The following KLHL28 variants were observed in gnomAD, a reference collection of about 807,000 sequenced individuals.
The protein encoded by KLHL28 is kelch like family member 28.
A neutral mutation model predicts 48.3 loss-of-function variants in KLHL28; 22 were observed. The observed-to-expected ratio is 0.46, with a 90% CI of 0.33 to 0.65. The LOEUF (loss-of-function observed/expected upper bound fraction) is 0.65. Ranked by LOEUF, KLHL28 falls within the 30% of genes least tolerant of loss-of-function variation. The probability of loss-of-function intolerance (pLI) is 0.03; values close to 1 mark genes in which losing one functional copy is unlikely to be tolerated. For synonymous variants in KLHL28, 243 were observed against 242.4 expected (o/e 1.00, Z -0.02); for missense variants, 527 against 704.3 (o/e 0.75, Z 2.85).
intron 1 of KLHL28, among the ~76,000 whole-genome samples, chr14:44,947,529 C>T (rs528439584): frequency 6.6e-5 from 10 of 152,240 alleles, no homozygotes; most frequent in Admixed American, 1.3e-4. Context: ...GTCATGTATA[C>T]AATATAAGCT....
At chr14:44,958,954 T>C in intron 1 of KLHL28, among the ~76,000 whole-genome samples, 1 of 151,912 alleles carries the variant, frequency 6.6e-6, no homozygotes, top group Non-Finnish European at 1.5e-5. Context: ...CTGTATAAAA[T>C]AAGCTCATAA....
Position 44,934,256 on chromosome 14 carries a change from T to G in KLHL28, c.1202A>C (p.Gln401Pro), listed in dbSNP as rs35352691. Residue 401 changes from glutamine to proline, a missense_variant, in exon 3 of 5, where the codon CAA (glutamine) becomes CCA (proline). Physicochemically the swap from Gln to Pro is moderately conservative, Grantham distance 76 (BLOSUM62 -1). Coordinates refer to ENST00000396128, the MANE Select transcript of KLHL28 (RefSeq NM_017658.5). ...TTTGGGAATGTACTTCTCTACAGAT[T>G]GTAAATAAGATTGTCCATCATAACC... is the stretch of plus-strand genomic sequence containing the variant. ...LGGYDGQSYL[Q>P]SVEKYIPKIR... The G allele has an allele frequency of 1.0e-3, 1,645 of 1,614,132 alleles. 11 individuals are homozygous for G. In the African/African-American group the frequency reaches 0.02, roughly 19 times the overall value.
chr14:44,940,856 A>G (rs977068253), intron 2 of KLHL28, among the ~76,000 whole-genome samples: 5 of 152,154 alleles, frequency 3.3e-5, no homozygotes, highest in African/African-American at 1.2e-4. Flanking sequence ...TTATAAAAAT[A>G]CTTGGGAGGC....
intron 2 of KLHL28, among the ~76,000 whole-genome samples, chr14:44,936,717 T>G (rs1428551663): frequency 6.6e-6 from 1 of 152,072 alleles, no homozygotes; most frequent in African/African-American, 2.4e-5. Context: ...ATGGCCTAAG[T>G]GGAGAATTGA....
chr14:44,929,107 T>A lies in KLHL28; in HGVS notation c.1637A>T (p.Tyr546Phe), dbSNP rs1216068384. 2 of 1,613,938 alleles carry A rather than the reference T, an allele frequency of 1.2e-6. No homozygotes were observed. The highest frequency in any genetic ancestry group is 1.7e-6 in the Non-Finnish European group (2 of 1,179,964). Residue 546 changes from tyrosine (Y) to phenylalanine (F), a missense_variant, in exon 5 of 5, where the codon TAT (tyrosine) becomes TTT (phenylalanine). Tyr to Phe is a conservative substitution (Grantham distance 22, BLOSUM62 3). Transcript: ENST00000396128. ...CAGCCACGTATCTGAGATAGGATCA[T>A]ATTTCTGCACTGTATTCAGATAGGA... ...GSSYLNTVQK[Y>F]DPISDTWLDS...
chr14:44,954,477 A>G (rs567973020), intron 1 of KLHL28, among the ~76,000 whole-genome samples: 1 of 152,352 alleles, frequency 6.6e-6, no homozygotes, highest in African/African-American at 2.4e-5. Context: ...TGTGAAAACT[A>G]TAGAGCATCC....
chr14:44,959,372 C>G (rs1050150932), intron 1 of KLHL28: 1 of 152,048 alleles, frequency 6.6e-6, no homozygotes, highest in Non-Finnish European at 1.5e-5. Flanking sequence ...AGCAAATACT[C>G]AAAACATGGT....
intron 2 of KLHL28, among the ~76,000 whole-genome samples, chr14:44,942,244 T>A (rs1187788822): frequency 6.6e-6 from 1 of 151,834 alleles, no homozygotes; most frequent in Non-Finnish European, 1.5e-5. Flanking sequence ...TCCTCCCTCT[T>A]CCTCATCATC....
chr14:44,960,719 C>A (rs202124310), intron 1 of KLHL28, among the ~76,000 whole-genome samples: 2 of 146,868 alleles, frequency 1.4e-5, no homozygotes, highest in Non-Finnish European at 3.0e-5. Flanking sequence ...CACCCCCACC[C>A]CCCCAAAAAC....
chr14:44,949,161 CTA>C (rs1450268719), intron 1 of KLHL28, among the ~76,000 whole-genome samples: 1 of 152,018 alleles, frequency 6.6e-6, no homozygotes, highest in Non-Finnish European at 1.5e-5. Context: ...GGACTGAAGA[CTA>C]TTTTCAAAAA....
intron 2 of KLHL28, among the ~76,000 whole-genome samples, chr14:44,937,725 C>A (rs1883885649): frequency 6.6e-6 from 1 of 152,160 alleles, no homozygotes; most frequent in Non-Finnish European, 1.5e-5. Flanking sequence ...GCTCAAGGTA[C>A]TGGAGGCTGG....
At chr14:44,934,896 CTAGA>C (rs1018387240) in intron 2 of KLHL28, among the ~76,000 whole-genome samples, 3 of 152,124 alleles carry the variant, frequency 2.0e-5, no homozygotes, top group African/African-American at 7.2e-5. Context: ...AATTTTGCAT[CTAGA>C]TAAATATACA....
intron 1 of KLHL28, among the ~76,000 whole-genome samples, chr14:44,947,922 G>A (rs2138640275): frequency 6.6e-6 from 1 of 152,186 alleles, no homozygotes; most frequent in Admixed American, 6.5e-5. Context: ...GAAGCTTCTG[G>A]GTCTTCCAGT....
rs1883323346 is a variant in KLHL28, at chr14:44,924,738, A to T, written c.*4290T>A. The T allele has an allele frequency of 6.6e-6, 1 of 152,648 alleles. No homozygotes were observed. Among genetic ancestry groups the T allele is most frequent in the African/African-American group, 2.4e-5 (1 of 41,474 alleles). 9.5% of individuals were successfully genotyped at this position (152,648 alleles called of 1,614,324 possible). On this transcript the variant is annotated 3_prime_UTR_variant, in exon 5 of 5. Coordinates refer to ENST00000396128, the MANE Select transcript of KLHL28 (RefSeq NM_017658.5). ...TAACTTCACTTGTATTTTAAGGCAAACTTGGAACTTTTTGCTTAGTATTTA... is the reference window on the plus strand; with the variant it reads ...TAACTTCACTTGTATTTTAAGGCAATCTTGGAACTTTTTGCTTAGTATTTA...
intron 3 of KLHL28, 111 bp from the exon 4 acceptor site, chr14:44,931,652 T>C (rs1397522657): frequency 6.8e-6 from 5 of 729,990 alleles, no homozygotes; most frequent in East Asian, 5.4e-5. Flanking sequence ...AGAGAGATAT[T>C]AAACAAGAGT....
intron 2 of KLHL28, among the ~76,000 whole-genome samples, chr14:44,941,419 G>A (rs113242921): frequency 0.1 from 15,430 of 151,760 alleles, 1,094 homozygotes; most frequent in African/African-American, 0.2. Flanking sequence ...ATCACCTGAG[G>A]TCAGGAGTTC....
intron 2 of KLHL28, among the ~76,000 whole-genome samples, chr14:44,944,309 A>G (rs1192103642): frequency 6.6e-6 from 1 of 152,224 alleles, no homozygotes; most frequent in Non-Finnish European, 1.5e-5. Flanking sequence ...GTTTTATTGG[A>G]ACACATCCAT....
Position 44,929,156 on chromosome 14 carries a change from CATA to C in KLHL28, c.1585_1587del (p.Tyr529del). On this transcript the variant is annotated inframe_deletion, in exon 5 of 5. Transcript: ENST00000396128. ...GAAGACCCTGAGTGACCACCGACGA[CATA>C]AAGGTAGTTATCGATTACAGCAGCA... 1 of 1,612,102 alleles carries C rather than the reference CATA, an allele frequency of 6.2e-7. No individual in the cohort carries two copies. The highest frequency in any genetic ancestry group is 8.5e-7 in the Non-Finnish European group (1 of 1,178,892).
chr14:44,941,107 C>T (rs558326524), intron 2 of KLHL28, among the ~76,000 whole-genome samples: 3 of 151,640 alleles, frequency 2.0e-5, no homozygotes. Context: ...GGCGACAGAG[C>T]GAGATGCCGT....
Sources: gnomAD v4.1 joint callset for allele counts (sites outside exome capture counted in the v4.1 genomes callset) on GRCh38, gnomAD v4.1.1 for gene constraint, MANE v1.5 for transcripts, NCBI Gene and HGNC (gene_info 2026-07-23, HGNC 2026-07-21) for gene names.